The following PLCB1 variants were observed in gnomAD, a reference collection of about 807,000 sequenced individuals.
PLCB1 encodes the protein phospholipase C beta 1.
Under a neutral mutation model 161.8 loss-of-function variants are expected in PLCB1, and 46 were observed. That is an observed-to-expected ratio of 0.28 (90% CI 0.22 to 0.36). The LOEUF (loss-of-function observed/expected upper bound fraction) is 0.36, where lower values mean the gene tolerates loss of function less well. Ranked by LOEUF, PLCB1 falls within the 10% of genes least tolerant of loss-of-function variation. PLCB1 has a pLI of 1.00. For missense variants in PLCB1, 1,016 were observed against 1,472.5 expected (o/e 0.69, Z 5.07); for synonymous variants, 517 against 503.7 (o/e 1.03, Z -0.35).
intron 2 of PLCB1, among the ~76,000 whole-genome samples, chr20:8,242,785 A>G (rs1980688379): frequency 6.6e-6 from 1 of 151,948 alleles, no homozygotes; most frequent in Admixed American, 6.6e-5. Flanking sequence ...TGGCTTTGGG[A>G]CATAAAGAAA....
At chr20:8,649,305 G>C (rs183301085) in intron 6 of PLCB1, 69 bp from the exon 7 acceptor site, 2 of 897,154 alleles carry the variant, frequency 2.2e-6, no homozygotes, top group African/African-American at 1.6e-5. Context: ...TTTTGAGTTG[G>C]CATCATCTGT....
intron 23 of PLCB1, among the ~76,000 whole-genome samples, chr20:8,743,479 G>A (rs1980990420): frequency 6.6e-6 from 1 of 152,096 alleles, no homozygotes; most frequent in South Asian, 2.1e-4. Flanking sequence ...ATGCTCCAGA[G>A]CACCCTGTGG....
chr20:8,877,255 G>A (rs1017081750), intron 31 of PLCB1, among the ~76,000 whole-genome samples: 3 of 152,220 alleles, frequency 2.0e-5, no homozygotes, highest in African/African-American at 4.8e-5. Context: ...GGATTATGGG[G>A]AAGGAAAATT....
Position 8,757,188 on chromosome 20 carries a change from C to G in PLCB1, c.2656+10C>G. 1 of 1,604,322 alleles carries G rather than the reference C, an allele frequency of 6.2e-7. No homozygotes were observed. The highest frequency in any genetic ancestry group is 8.5e-7 in the Non-Finnish European group (1 of 1,176,276). On this transcript the variant is annotated intron_variant, in intron 24 of 31. Coordinates refer to ENST00000338037, the MANE Select transcript of PLCB1 (RefSeq NM_015192.4). ...AGCCAGCCAGCTCCAGGTAAGCCAT[C>G]TGGAAAGAGCTGGACAACATGAGCA...
chr20:8,248,678 G>C (rs1482557329), intron 2 of PLCB1: 1 of 151,900 alleles, frequency 6.6e-6, no homozygotes, highest in Non-Finnish European at 1.5e-5. Flanking sequence ...AGCTACTAAA[G>C]CAGTATCAGT....
intron 2 of PLCB1, among the ~76,000 whole-genome samples, chr20:8,297,498 G>A (rs1334197322): frequency 6.6e-6 from 1 of 152,110 alleles, no homozygotes; most frequent in Non-Finnish European, 1.5e-5. Context: ...AAATAACATG[G>A]CCTCTTTGTT....
chr20:8,658,731 G>A (rs1989537533), intron 9 of PLCB1, 27 bp downstream of exon 9: 8 of 1,569,104 alleles, frequency 5.1e-6, no homozygotes, highest in Middle Eastern at 1.7e-4. Context: ...ACACCAAAGG[G>A]AAGCTCTTGT....
At chr20:8,601,426 A>G (rs1438369908) in intron 3 of PLCB1, among the ~76,000 whole-genome samples, 2 of 152,066 alleles carry the variant, frequency 1.3e-5, no homozygotes, top group African/African-American at 2.4e-5. Flanking sequence ...CTATGTGTCT[A>G]TGTGTTCTCA....
intron 23 of PLCB1, among the ~76,000 whole-genome samples, chr20:8,749,358 A>G (rs991546951): frequency 1.3e-5 from 2 of 152,228 alleles, no homozygotes; most frequent in African/African-American, 4.8e-5. Context: ...CATCCACTCT[A>G]AAATGACAGC....
At chr20:8,548,381 CTCCCT>C (rs540767738) in intron 3 of PLCB1, among the ~76,000 whole-genome samples, 42 of 145,780 alleles carry the variant, frequency 2.9e-4, no homozygotes, top group African/African-American at 7.3e-4. Flanking sequence ...TCCTTCCTTC[CTCCCT>C]TCCCTTCCCT....
intron 3 of PLCB1, among the ~76,000 whole-genome samples, chr20:8,458,509 G>A (rs1981428804): frequency 6.6e-6 from 1 of 152,066 alleles, no homozygotes; most frequent in Non-Finnish European, 1.5e-5. Flanking sequence ...AGGCCTAAAT[G>A]TGCTGATTTC....
At chr20:8,441,814 A>C (rs1468308171) in intron 3 of PLCB1, among the ~76,000 whole-genome samples, 1 of 152,186 alleles carries the variant, frequency 6.6e-6, no homozygotes, top group East Asian at 1.9e-4. Flanking sequence ...ATCTGAAAAA[A>C]ATTTTAAATC....
intron 9 of PLCB1, among the ~76,000 whole-genome samples, chr20:8,681,080 G>A (rs1990197638): frequency 2.2e-5 from 1 of 44,802 alleles, no homozygotes; most frequent in African/African-American, 1.5e-4. Flanking sequence ...GTGTATATGT[G>A]TGTGTGTATA....
intron 3 of PLCB1, among the ~76,000 whole-genome samples, chr20:8,488,093 C>G (rs6077365): frequency 2.6e-5 from 4 of 151,994 alleles, no homozygotes; most frequent in African/African-American, 9.6e-5. Context: ...AAATAGTTAC[C>G]TAATGCAGTT....
chr20:8,515,940 A>G (rs903757447), intron 3 of PLCB1, among the ~76,000 whole-genome samples: 6 of 152,322 alleles, frequency 3.9e-5, no homozygotes, highest in African/African-American at 1.4e-4. Flanking sequence ...TGGATTCTAC[A>G]TGGCTGGGGA....
chr20:8,310,363 C>A (rs781249480), intron 2 of PLCB1, among the ~76,000 whole-genome samples: 1 of 152,114 alleles, frequency 6.6e-6, no homozygotes, highest in African/African-American at 2.4e-5. Context: ...AACTGTTAGT[C>A]CCAAGCTTAT....
intron 3 of PLCB1, among the ~76,000 whole-genome samples, chr20:8,601,128 TG>T (rs1191465377): frequency 3.3e-5 from 5 of 149,442 alleles, no homozygotes; most frequent in Admixed American, 2.7e-4. Context: ...CTCCTCCCCC[TG>T]TCTATACAAA....
chr20:8,505,602 G>C (rs1451491088), intron 3 of PLCB1, among the ~76,000 whole-genome samples: 1 of 152,316 alleles, frequency 6.6e-6, no homozygotes, highest in African/African-American at 2.4e-5. Flanking sequence ...GTACCGTCAA[G>C]TGAAATGCTC....
intron 3 of PLCB1, among the ~76,000 whole-genome samples, chr20:8,532,712 T>G (rs969162600): frequency 3.3e-5 from 5 of 151,640 alleles, no homozygotes; most frequent in African/African-American, 1.2e-4. Context: ...TAAAAACACT[T>G]TGGAGGAAGG....
Sources: gnomAD v4.1 joint callset for allele counts (sites outside exome capture counted in the v4.1 genomes callset) on GRCh38, gnomAD v4.1.1 for gene constraint, MANE v1.5 for transcripts, NCBI Gene and HGNC (gene_info 2026-07-23, HGNC 2026-07-21) for gene names.